Variants in KAZN observed in about 807,000 individuals in gnomAD.
The protein encoded by KAZN is kazrin.
A neutral mutation model predicts 87.4 loss-of-function variants in KAZN; 40 were observed. That is an observed-to-expected ratio of 0.46 (90% CI 0.36 to 0.60). The LOEUF (loss-of-function observed/expected upper bound fraction) is 0.60. Ranked by LOEUF, KAZN falls within the 20% of genes least tolerant of loss-of-function variation. The pLI is 0.00. For missense variants in KAZN, 898 were observed against 1,073.9 expected, an observed-to-expected ratio of 0.84 and a Z score of 2.29; for synonymous variants, 466 against 458.3, an observed-to-expected ratio of 1.02 and a Z score of -0.22.
chr1:14,605,705 G>T (rs1677305314), intron 1 of KAZN, among the ~76,000 whole-genome samples: 1 of 152,066 alleles, frequency 6.6e-6, no homozygotes, highest in African/African-American at 2.4e-5. Flanking sequence ...AGGAAGGGTT[G>T]GTCTCGCTGT....
intron 1 of KAZN, among the ~76,000 whole-genome samples, chr1:14,638,265 G>T (rs556604474): frequency 6.6e-6 from 1 of 152,082 alleles, no homozygotes. Context: ...GTGTGTGCAC[G>T]TGCGCAAAAA....
chr1:14,710,358 A>G (rs747799172), intron 1 of KAZN, among the ~76,000 whole-genome samples: 36 of 152,160 alleles, frequency 2.4e-4, no homozygotes, highest in Non-Finnish European at 4.7e-4. Context: ...ACTGTAAATC[A>G]GATGACATCA....
intron 1 of KAZN, among the ~76,000 whole-genome samples, chr1:14,120,593 T>TG (rs1265965081): frequency 6.6e-6 from 1 of 152,220 alleles, no homozygotes; most frequent in African/African-American, 2.4e-5. Flanking sequence ...CAGAGGTACC[T>TG]GGTCCAAATA....
intron 2 of KAZN, among the ~76,000 whole-genome samples, chr1:14,355,962 G>A (rs1300177617): frequency 2.0e-5 from 3 of 152,036 alleles, no homozygotes; most frequent in African/African-American, 7.2e-5. Flanking sequence ...GGGATTGCTG[G>A]GTCAAATGGT....
intron 2 of KAZN, among the ~76,000 whole-genome samples, chr1:14,498,227 C>T (rs1416707083): frequency 6.6e-6 from 1 of 152,204 alleles, no homozygotes; most frequent in African/African-American, 2.4e-5. Context: ...ATCATAAGCT[C>T]CTAGCTCAAA....
chr1:14,846,174 G>T (rs1416699915), intron 1 of KAZN, among the ~76,000 whole-genome samples: 1 of 152,192 alleles, frequency 6.6e-6, no homozygotes, highest in Non-Finnish European at 1.5e-5. Context: ...GCATGTCTTG[G>T]AGCTGCTGCA....
Position 15,115,467 on chromosome 1 carries a change from T to G in KAZN, c.*832T>G, listed in dbSNP as rs1641811875. 6.6e-6 allele frequency: 1 copy of G among 152,192 alleles called. No homozygotes were observed. Among genetic ancestry groups the G allele is most frequent in the African/African-American group, 2.4e-5 (1 of 41,420 alleles). 9.4% of individuals were successfully genotyped at this position (152,192 alleles called of 1,614,324 possible). ...GTGAATCTCTGGCCTGTGGTTTGGC[T>G]TTACTGAGATTCCAAACCCCACTAT... On this transcript the variant is annotated 3_prime_UTR_variant, in exon 15 of 15. Coordinates refer to ENST00000376030, the MANE Select transcript of KAZN (RefSeq NM_201628.3). This position sits in a 1 kb window ranked among gnomAD's most constrained non-coding sequence, Gnocchi z 4.1.
intron 1 of KAZN, among the ~76,000 whole-genome samples, chr1:14,016,209 A>G (rs555148689): frequency 2.6e-5 from 4 of 152,290 alleles, no homozygotes; most frequent in African/African-American, 9.6e-5. Context: ...AATAAAAAGG[A>G]CAATGTAGGG....
chr1:15,060,143 C>T, intron 5 of KAZN, 29 bp from the exon 6 acceptor site: 2 of 1,613,532 alleles, frequency 1.2e-6, no homozygotes. Context: ...CTCTCCATCC[C>T]TCACTCACCA....
intron 1 of KAZN, among the ~76,000 whole-genome samples, chr1:14,917,421 G>A (rs898699427): frequency 1.3e-4 from 20 of 152,164 alleles, no homozygotes; most frequent in Admixed American, 4.6e-4. Context: ...AGGAGTGGAC[G>A]GAGATGACAG....
intron 1 of KAZN, among the ~76,000 whole-genome samples, chr1:14,629,873 C>T (rs777018765): frequency 3.3e-5 from 5 of 152,216 alleles, no homozygotes; most frequent in South Asian, 4.1e-4. Context: ...GGAGAAAACC[C>T]GGCAGCCTGC....
chr1:14,929,280 A>C (rs1473060364), intron 1 of KAZN, among the ~76,000 whole-genome samples: 2 of 152,146 alleles, frequency 1.3e-5, no homozygotes, highest in African/African-American at 2.4e-5. Flanking sequence ...TGAAGTTTGA[A>C]ATATTGGGAT....
At chr1:13,998,843 A>G (rs906131402) in intron 1 of KAZN, among the ~76,000 whole-genome samples, 2 of 152,202 alleles carry the variant, frequency 1.3e-5, no homozygotes, top group Non-Finnish European at 2.9e-5. Flanking sequence ...CGGGACTTGA[A>G]TTCTGCTCTG....
intron 2 of KAZN, among the ~76,000 whole-genome samples, chr1:14,417,013 C>CAT (rs1664840528): frequency 2.2e-5 from 1 of 44,630 alleles, no homozygotes; most frequent in African/African-American, 6.5e-5. Flanking sequence ...TATATATGTA[C>CAT]ACACACACAC....
At chr1:14,148,365 C>A (rs546094825) in intron 1 of KAZN, among the ~76,000 whole-genome samples, 31 of 152,164 alleles carry the variant, frequency 2.0e-4, no homozygotes, top group South Asian at 4.1e-4. Flanking sequence ...TCATCTTTTT[C>A]TGAACTTTTT....
chr1:14,077,074 C>T (rs1290578176), intron 1 of KAZN, among the ~76,000 whole-genome samples: 1 of 152,170 alleles, frequency 6.6e-6, no homozygotes, highest in African/African-American at 2.4e-5. Flanking sequence ...TGGAATGGGT[C>T]TCTCTTGACC....
Position 14,754,942 on chromosome 1 carries a change from G to C in KAZN, c.226+155719G>C, listed in dbSNP as rs781061737. Among the ~76,000 whole-genome samples, 25 of 151,992 alleles carry C rather than the reference G, an allele frequency of 1.6e-4. 1 individual carries two copies. The highest frequency in any genetic ancestry group is 2.5e-4 in the Non-Finnish European group (17 of 68,014). On this transcript the variant is annotated intron_variant, in intron 1 of 14. Coordinates refer to ENST00000376030, the MANE Select transcript of KAZN (RefSeq NM_201628.3). ...GGATTTTCCGGATTGAAAAAATTAA[G>C]TGAAACAAGTCTCGCATGACCGGGC...
At chr1:14,132,841 T>A (rs907464176) in intron 1 of KAZN, among the ~76,000 whole-genome samples, 5 of 152,148 alleles carry the variant, frequency 3.3e-5, no homozygotes, top group African/African-American at 1.2e-4. Flanking sequence ...CATGCTTGGG[T>A]TCTGTAACTA....
At chr1:14,873,810 G>A (rs996697011) in intron 1 of KAZN, among the ~76,000 whole-genome samples, 1 of 152,212 alleles carries the variant, frequency 6.6e-6, no homozygotes, top group African/African-American at 2.4e-5. Context: ...GGAGAGAGCA[G>A]TGCAAAGTGG....
Sources: gnomAD v4.1 joint callset for allele counts (sites outside exome capture counted in the v4.1 genomes callset) on GRCh38, gnomAD v4.1.1 for gene constraint, Gnocchi (gnomAD v3.1) non-coding constraint, MANE v1.5 for transcripts, NCBI Gene and HGNC (gene_info 2026-07-23, HGNC 2026-07-21) for gene names.